The following PIWIL1 variants were observed in gnomAD, a reference collection of about 807,000 sequenced individuals.
PIWIL1 encodes piwi-like protein 1.
PIWIL1 carries 73 observed loss-of-function variants against 114.4 expected under a neutral mutation model. The observed-to-expected ratio is 0.64, with a 90% CI of 0.53 to 0.78. The LOEUF (loss-of-function observed/expected upper bound fraction) is 0.78, where lower values mean the gene tolerates loss of function less well. Among genes scored for constraint, PIWIL1 ranks in the 30% least tolerant of loss-of-function variants. PIWIL1 has a pLI of 0.00. For missense variants in PIWIL1, 723 were observed against 1,063.1 expected (o/e 0.68, Z 4.45); for synonymous variants, 375 against 369.0 (o/e 1.02, Z -0.19).
intron 12 of PIWIL1, among the ~76,000 whole-genome samples, chr12:130,356,620 A>C (rs895366399): frequency 6.6e-6 from 1 of 152,220 alleles, no homozygotes; most frequent in Admixed American, 6.5e-5. Context: ...CTATACTTGT[A>C]AGATTTTTTA....
intron 18 of PIWIL1, among the ~76,000 whole-genome samples, chr12:130,365,866 A>G (rs12824680): frequency 0.089 from 13,545 of 152,184 alleles, 1,405 homozygotes; most frequent in African/African-American, 0.25. Flanking sequence ...GGCTGCACAC[A>G]TTTTCAACAC....
the PIWIL1 span, chr12:130,414,243 G>A: frequency 6.2e-7 from 1 of 1,613,898 alleles, no homozygotes; most frequent in Non-Finnish European, 8.5e-7. Context: ...GAGCTCTTCG[G>A]CACCAGGGTC....
rs1317282090 is a variant in PIWIL1, at chr12:130,354,657, C to T, written c.1165C>T (p.Leu389Phe). The T allele has an allele frequency of 1.3e-6, 2 of 1,577,278 alleles. No homozygotes were observed. Among genetic ancestry groups the T allele is most frequent in the Non-Finnish European group, 1.7e-6 (2 of 1,165,858 alleles). Reference sequence around the variant, plus strand: ...CATGCTCATTCCTGAGCTCTGCTATCTTACAGGTACTGTTGCATTTCATTT... The same window carrying T: ...CATGCTCATTCCTGAGCTCTGCTATTTTACAGGTACTGTTGCATTTCATTT... ...PAMLIPELCY[L>F]TGLTDKMRND... Residue 389 changes from leucine to phenylalanine, a missense_variant, in exon 10 of 21, where the codon CTT becomes TTT. Physicochemically the swap from Leu to Phe is conservative, Grantham distance 22. Around this residue, in one of 8 missense-constraint regions of PIWIL1, gnomAD observed 298 missense variants for 420.8 expected, o/e 0.71. Transcript: ENST00000245255.
At chr12:130,360,438 T>A in intron 14 of PIWIL1, among the ~76,000 whole-genome samples, 1 of 152,054 alleles carries the variant, frequency 6.6e-6, no homozygotes, top group East Asian at 1.9e-4. Context: ...ATTGAGAACA[T>A]CTTGGCCGAC....
intron 14 of PIWIL1, among the ~76,000 whole-genome samples, chr12:130,359,133 T>A (rs2073444318): frequency 6.6e-6 from 1 of 152,166 alleles, no homozygotes; most frequent in Non-Finnish European, 1.5e-5. Context: ...GTATCTAGAG[T>A]GTAGCCTTTA....
the PIWIL1 span, chr12:130,397,477 T>C: frequency 2.5e-6 from 1 of 399,058 alleles, no homozygotes; most frequent in East Asian, 3.6e-5. Context: ...ATAGATGACG[T>C]AGGTGACCCC....
intron 6 of PIWIL1, among the ~76,000 whole-genome samples, chr12:130,347,686 TC>T (rs1268722536): frequency 3.3e-5 from 5 of 152,216 alleles, no homozygotes; most frequent in African/African-American, 9.6e-5. Flanking sequence ...AATTGATTTT[TC>T]CCTAAACGAG....
the PIWIL1 span, among the ~76,000 whole-genome samples, chr12:130,401,730 A>AG: frequency 6.6e-6 from 1 of 152,066 alleles, no homozygotes; most frequent in African/African-American, 2.4e-5. Flanking sequence ...AATAACATCT[A>AG]AATACGAAGA....
chr12:130,348,576 C>T (rs188114493), intron 7 of PIWIL1, among the ~76,000 whole-genome samples: 1 of 152,134 alleles, frequency 6.6e-6, no homozygotes, highest in Non-Finnish European at 1.5e-5. Flanking sequence ...TGTCACAAAC[C>T]TGCACGTGTG....
At chr12:130,340,670 T>A in intron 1 of PIWIL1, among the ~76,000 whole-genome samples, 1 of 142,120 alleles carries the variant, frequency 7.0e-6, no homozygotes, top group Non-Finnish European at 1.5e-5. Context: ...TTGGTGGTGG[T>A]GGTGGTGGTG....
intron 18 of PIWIL1, among the ~76,000 whole-genome samples, chr12:130,363,627 T>G (rs2073575127): frequency 1.4e-5 from 2 of 138,320 alleles, no homozygotes; most frequent in Admixed American, 7.2e-5. Flanking sequence ...TTTTTTTTTT[T>G]TTTTTTTTGA....
intron 9 of PIWIL1, chr12:130,351,564 G>A (rs2073211858): frequency 6.6e-6 from 1 of 152,170 alleles, no homozygotes; most frequent in Admixed American, 6.5e-5. Context: ...GGTGCTCTTG[G>A]TCAATGCAGA....
At position 130,342,988 on chromosome 12, in the gene PIWIL1, A is replaced by G. The variant is rs756762048; in HGVS notation, c.79-2A>G. Reference sequence around the variant, plus strand: ...ATGTTCTTTATTTGCATGTAACTACAGAGTCAGCAACCTGGTTATATTCAG... The same window carrying G: ...ATGTTCTTTATTTGCATGTAACTACGGAGTCAGCAACCTGGTTATATTCAG... On this transcript the variant is annotated splice_acceptor_variant, in intron 2 of 20. Coordinates refer to ENST00000245255, the MANE Select transcript of PIWIL1 (RefSeq NM_004764.5). LOFTEE classifies it high-confidence loss of function. 2.5e-6 allele frequency: 4 copies of G among 1,610,256 alleles called. No homozygotes were observed. Among genetic ancestry groups the G allele is most frequent in the Non-Finnish European group, 3.4e-6 (4 of 1,176,538 alleles).
chr12:130,374,787 A>G (rs2073853794), downstream of PIWIL1, among the ~76,000 whole-genome samples: 1 of 152,162 alleles, frequency 6.6e-6, no homozygotes, highest in Non-Finnish European at 1.5e-5. Context: ...CTCATCTCTG[A>G]GGAGCTCTTT....
rs1327589666 is a variant in PIWIL1 at position 130,367,270 on chromosome 12, G to T, written c.2321+12G>T. ...ACCAGACCAGAATGGTAAGTTCCAT[G>T]TGATGAGCTGAAGGTTGTTTTCTCC... On this transcript the variant is annotated intron_variant, in intron 19 of 20. Transcript: ENST00000245255. 6.2e-7 allele frequency: 1 copy of T among 1,606,816 alleles called. No homozygotes were observed. Among genetic ancestry groups the T allele is most frequent in the Admixed American group, 1.7e-5 (1 of 59,714 alleles).
chr12:130,339,045 G>A (rs1363703328), intron 1 of PIWIL1, among the ~76,000 whole-genome samples: 1 of 151,730 alleles, frequency 6.6e-6, no homozygotes, highest in Non-Finnish European at 1.5e-5. Context: ...ACGCGGCCGC[G>A]GGGCGCGATC....
Position 130,346,486 on chromosome 12 carries a change from C to G in PIWIL1, c.433C>G (p.Leu145Val), listed in dbSNP as rs1385090874. 1 of 1,613,622 alleles carries G rather than the reference C, an allele frequency of 6.2e-7. No homozygotes were observed. Among genetic ancestry groups the G allele is most frequent in the African/African-American group, 1.3e-5 (1 of 75,038 alleles). Residue 145 changes from leucine (L) to valine (V), a missense_variant, in exon 5 of 21, where the codon CTC becomes GTC. By Grantham distance (32) the Leu-to-Val change is conservative (BLOSUM62 1). Transcript: ENST00000245255. ...TAACCCACTGATGGAAGCCAGAAGA[C>G]TCCGTTCAGCTCTTCTTTTTCAACA... The part of the protein sequence containing the change: ...DYNPLMEARR[L>V]RSALLFQHED...
At position 130,357,527 on chromosome 12, in the gene PIWIL1, CA is replaced by C; in HGVS notation, c.1643del (p.Lys548ArgfsTer8). On this transcript the variant is annotated frameshift_variant, in exon 14 of 21. Coordinates refer to ENST00000245255, the MANE Select transcript of PIWIL1 (RefSeq NM_004764.5). LOFTEE classifies it high-confidence loss of function. ...RTEAYLRVLQ[Q>X]KVTADTQIVV... is the part of the protein sequence containing the mutation. ...TGAAGCCTACTTAAGAGTCTTACAG[CA>C]AAAGGTCACAGCAGACACCCAGATA... 2 of 1,612,560 alleles carry C rather than the reference CA, an allele frequency of 1.2e-6. No homozygotes were observed. Among genetic ancestry groups the C allele is most frequent in the Non-Finnish European group, 1.7e-6 (2 of 1,178,740 alleles).
At chr12:130,395,630 C>CAATT in the PIWIL1 span, among the ~76,000 whole-genome samples, 2 of 152,052 alleles carry the variant, frequency 1.3e-5, no homozygotes, top group African/African-American at 4.8e-5. Flanking sequence ...ATTATGGTAG[C>CAATT]AATTATGAGA....
Sources: gnomAD v4.1 joint callset for allele counts (sites outside exome capture counted in the v4.1 genomes callset) on GRCh38, gnomAD v4.1.1 for gene constraint, gnomAD v4.1.1 regional missense constraint, MANE v1.5 for transcripts, NCBI Gene and HGNC (gene_info 2026-07-23, HGNC 2026-07-21) for gene names.